CRTAC1: variants seen among roughly 807,000 people sequenced by gnomAD.
CRTAC1 encodes cartilage acidic protein 1.
Under a neutral mutation model 67.8 loss-of-function variants are expected in CRTAC1, and 37 were observed. That is an observed-to-expected ratio of 0.55 (90% CI 0.42 to 0.72). The LOEUF is 0.72. Ranked by LOEUF, CRTAC1 falls within the 30% of genes least tolerant of loss-of-function variation. The pLI is 0.00. For missense variants in CRTAC1, 780 were observed against 931.6 expected (o/e 0.84, Z 2.12); for synonymous variants, 348 against 371.0 (o/e 0.94, Z 0.71).
At chr10:97,986,824 CCTTA>C (rs1367616146) in intron 2 of CRTAC1, among the ~76,000 whole-genome samples, 1 of 152,206 alleles carries the variant, frequency 6.6e-6, no homozygotes, top group African/African-American at 2.4e-5. Context: ...CGGCTCTGAC[CCTTA>C]CTAACTGGGT....
intron 5 of CRTAC1, among the ~76,000 whole-genome samples, chr10:97,908,435 G>A (rs767738969): frequency 6.6e-6 from 1 of 152,162 alleles, no homozygotes; most frequent in Non-Finnish European, 1.5e-5. Flanking sequence ...AGAAGTGGCT[G>A]AACAATCATC....
chr10:97,884,998 C>G (rs1366805995), intron 11 of CRTAC1, among the ~76,000 whole-genome samples: 2 of 152,258 alleles, frequency 1.3e-5, no homozygotes, highest in African/African-American at 4.8e-5. Flanking sequence ...CAGGCTCTCT[C>G]TTGTCACTGG....
At chr10:97,916,597 C>T (rs951630506) in intron 5 of CRTAC1, among the ~76,000 whole-genome samples, 1 of 152,204 alleles carries the variant, frequency 6.6e-6, no homozygotes, top group African/African-American at 2.4e-5. Flanking sequence ...AACCATCCTT[C>T]CAGCCCCAGG....
At chr10:97,884,075 G>T in intron 12 of CRTAC1, 131 bp downstream of exon 12, 1 of 1,011,382 alleles carries the variant, frequency 9.9e-7, no homozygotes, top group Non-Finnish European at 1.4e-6. Context: ...TCAGTATGAA[G>T]CCTTCGCTTT....
At chr10:97,917,151 C>T (rs2050770512) in intron 5 of CRTAC1, among the ~76,000 whole-genome samples, 1 of 152,178 alleles carries the variant, frequency 6.6e-6, no homozygotes, top group Non-Finnish European at 1.5e-5. Flanking sequence ...TCAGTTTTCT[C>T]CTACAGAACC....
chr10:97,912,934 C>A (rs1453676580), intron 5 of CRTAC1, among the ~76,000 whole-genome samples: 1 of 152,208 alleles, frequency 6.6e-6, no homozygotes, highest in African/African-American at 2.4e-5. Flanking sequence ...TAGCCCTGCA[C>A]CCTCTGCATC....
intron 2 of CRTAC1, among the ~76,000 whole-genome samples, chr10:98,002,453 T>G (rs1297766110): frequency 6.6e-6 from 1 of 152,178 alleles, no homozygotes; most frequent in African/African-American, 2.4e-5. Context: ...ATCTACAGGC[T>G]GCCTGTCCTT....
intron 5 of CRTAC1, among the ~76,000 whole-genome samples, chr10:97,910,203 G>T (rs2050670635): frequency 6.6e-6 from 1 of 152,174 alleles, no homozygotes; most frequent in Non-Finnish European, 1.5e-5. Flanking sequence ...GATTTTAAGT[G>T]TTGTCACCCC....
chr10:97,917,589 A>T lies in CRTAC1; in HGVS notation c.626T>A (p.Ile209Asn), dbSNP rs374428841. 6 of 1,603,680 alleles carry T rather than the reference A, an allele frequency of 3.7e-6. No individual in the cohort carries two copies. The highest frequency in any genetic ancestry group is 3.4e-6 in the Non-Finnish European group (4 of 1,174,316). Residue 209 changes from isoleucine (I) to asparagine (N), a missense_variant, in exon 5 of 15, where the codon ATT becomes AAT. Transcript: ENST00000370597. ...GTCACTGGCCTCAGGGTCCATTTCA[A>T]TGAGGGCATCAGGGCCCACATTACC... The part of the protein sequence containing the change: ...AYGNVGPDAL[I>N]EMDPEASDLS...
At chr10:97,917,725 A>C in intron 4 of CRTAC1, 69 bp from the exon 5 acceptor site, 1 of 1,300,980 alleles carries the variant, frequency 7.7e-7, no homozygotes, top group Non-Finnish European at 1.0e-6. Flanking sequence ...CCCCCTCCCC[A>C]CCCCAGGTAG....
At chr10:97,989,236 T>C (rs1842385948) in intron 2 of CRTAC1, among the ~76,000 whole-genome samples, 1 of 152,034 alleles carries the variant, frequency 6.6e-6, no homozygotes, top group African/African-American at 2.4e-5. Context: ...CACATGCCGA[T>C]TCCTCATAAT....
chr10:97,941,013 C>T (rs2051165859), intron 2 of CRTAC1, among the ~76,000 whole-genome samples: 1 of 152,088 alleles, frequency 6.6e-6, no homozygotes. Context: ...TAAAACCAAA[C>T]TTCTCTCTCC....
At chr10:97,926,877 G>A (rs1017915102) in intron 3 of CRTAC1, among the ~76,000 whole-genome samples, 2 of 152,142 alleles carry the variant, frequency 1.3e-5, no homozygotes, top group African/African-American at 4.8e-5. Flanking sequence ...AGCCTCTGAG[G>A]ATGGTCTCTG....
chr10:97,983,959 A>G (rs2051938964), intron 2 of CRTAC1, among the ~76,000 whole-genome samples: 1 of 152,274 alleles, frequency 6.6e-6, no homozygotes, highest in African/African-American at 2.4e-5. Context: ...GCAAGGAAAC[A>G]TGATGCCTAT....
At position 97,961,487 on chromosome 10, in the gene CRTAC1, AT is replaced by A. The variant is rs563570481; in HGVS notation, c.225-25122del. Among the ~76,000 whole-genome samples the A allele has an allele frequency of 4.6e-5, 7 of 152,358 alleles. No individual in the cohort carries two copies. The South Asian group carries it at 1.5e-3, about 32-fold the overall frequency. On this transcript the variant is annotated intron_variant, in intron 2 of 14. Coordinates refer to ENST00000370597, the MANE Select transcript of CRTAC1 (RefSeq NM_018058.7). Reference sequence around the variant, plus strand: ...ATTTTTTAAAAAAATCAACCAAAATATATGAGCTATATTAGAAAACACAAAT... The same window carrying A: ...ATTTTTTAAAAAAATCAACCAAAATAATGAGCTATATTAGAAAACACAAAT...
intron 1 of CRTAC1, among the ~76,000 whole-genome samples, chr10:98,017,523 T>C (rs990613582): frequency 6.6e-6 from 1 of 152,098 alleles, no homozygotes; most frequent in Non-Finnish European, 1.5e-5. Flanking sequence ...AAGAATTGTT[T>C]TTTAATAATA....
intron 2 of CRTAC1, among the ~76,000 whole-genome samples, chr10:97,949,202 G>A (rs1370219508): frequency 6.6e-6 from 1 of 152,200 alleles, no homozygotes; most frequent in Non-Finnish European, 1.5e-5. Flanking sequence ...ACTTACACAT[G>A]ACCACTTGCC....
At position 97,978,420 on chromosome 10, in the gene CRTAC1, A is replaced by G. The variant is rs77423424; in HGVS notation, c.224+32718T>C. On this transcript the variant is annotated intron_variant, in intron 2 of 14. Transcript: ENST00000370597. ...GGAATAAATCCCCCTTTCCTCTTAC[A>G]TCTTACATAGTACATCATTACTCCA... Among the ~76,000 whole-genome samples the G allele has an allele frequency of 6.1e-3, 925 of 152,028 alleles. 10 individuals carry two copies. The highest frequency in any genetic ancestry group is 0.02 in the African/African-American group (841 of 41,470).
chr10:97,867,888 TACTGAAGAGGCAGAC>T (rs1182281527), intron 14 of CRTAC1: 1 of 152,284 alleles, frequency 6.6e-6, no homozygotes, highest in East Asian at 1.9e-4. Context: ...GCTTGCAGTC[TACTGAAGAGGCAGAC>T]ACCTCAGCAT....
Sources: allele counts gnomAD v4.1 joint callset (sites outside exome capture counted in the v4.1 genomes callset), GRCh38; gene constraint gnomAD v4.1.1; transcripts MANE v1.5; gene names NCBI Gene and HGNC (gene_info 2026-07-23, HGNC 2026-07-21).